The following QDPR variants were observed in gnomAD, a reference collection of about 807,000 sequenced individuals.
QDPR encodes dihydropteridine reductase.
In QDPR, 23 loss-of-function variants were observed where a neutral mutation model predicts 31.7. The ratio of observed to expected loss-of-function variants is 0.73; its 90% CI spans 0.52 to 1.03. The LOEUF (loss-of-function observed/expected upper bound fraction) is 1.03. Ranked by LOEUF, QDPR falls within the 50% of genes least tolerant of loss-of-function variation. QDPR has a pLI of 0.00. For missense variants in QDPR, 324 were observed against 323.8 expected (o/e 1.00, Z 0.00); for synonymous variants, 124 against 124.7 (o/e 0.99, Z 0.03).
intron 4 of QDPR, among the ~76,000 whole-genome samples, chr4:17,496,397 T>C (rs1718351902): frequency 7.8e-6 from 1 of 128,702 alleles, no homozygotes; most frequent in Admixed American, 1.0e-4. Flanking sequence ...TGAGCCAAGA[T>C]TGCGCCATTG....
At chr4:17,501,539 CA>C (rs1185517708) in intron 4 of QDPR, among the ~76,000 whole-genome samples, 179 bp downstream of exon 4, 12 of 152,096 alleles carry the variant, frequency 7.9e-5, no homozygotes, top group African/African-American at 2.9e-4. Flanking sequence ...GACAGGCAAA[CA>C]AAAGATCAGA....
chr4:17,494,719 ACT>A (rs2108988991), intron 4 of QDPR, among the ~76,000 whole-genome samples: 1 of 152,208 alleles, frequency 6.6e-6, no homozygotes, highest in South Asian at 2.1e-4. Context: ...GTCACTGGCA[ACT>A]CTTTTTCCTC....
intron 3 of QDPR, 125 bp from the exon 4 acceptor site, chr4:17,501,984 G>A (rs1718581840): frequency 1.7e-6 from 2 of 1,159,588 alleles, no homozygotes; most frequent in Non-Finnish European, 1.3e-6. Context: ...TCTACAGCAA[G>A]GTCTAACACA....
chr4:17,488,204 T>C (rs1718036525), intron 6 of QDPR, among the ~76,000 whole-genome samples: 1 of 151,600 alleles, frequency 6.6e-6, no homozygotes, highest in African/African-American at 2.4e-5. Context: ...AAGGCTAGGG[T>C]AAGCCATGAT....
intron 3 of QDPR, among the ~76,000 whole-genome samples, chr4:17,502,573 T>C (rs1718609719): frequency 1.3e-5 from 2 of 152,344 alleles, no homozygotes; most frequent in Non-Finnish European, 2.9e-5. Context: ...TCCACATTTA[T>C]CATTTCTTGC....
At chr4:17,508,587 C>T (rs1187708179) in intron 2 of QDPR, among the ~76,000 whole-genome samples, 1 of 148,490 alleles carries the variant, frequency 6.7e-6, no homozygotes, top group African/African-American at 2.5e-5. Flanking sequence ...GAATATCACA[C>T]ATCTACAAAG....
At chr4:17,501,307 C>G (rs1022243653) in intron 4 of QDPR, among the ~76,000 whole-genome samples, 4 of 152,172 alleles carry the variant, frequency 2.6e-5, no homozygotes, top group Non-Finnish European at 5.9e-5. Flanking sequence ...CACGTGTGAG[C>G]CACTGTGCTG....
At chr4:17,509,152 C>T (rs887802789) in intron 2 of QDPR, 119 bp downstream of exon 2, 6 of 819,560 alleles carry the variant, frequency 7.3e-6, no homozygotes, top group African/African-American at 1.7e-5. Flanking sequence ...AGCAAGACTC[C>T]GTCTCGGGGA....
chr4:17,504,382 T>G lies in QDPR; in HGVS notation c.292A>C (p.Lys98Gln). 1 of 1,613,348 alleles carries G rather than the reference T, an allele frequency of 6.2e-7. No homozygotes were observed. The highest frequency in any genetic ancestry group is 8.5e-7 in the Non-Finnish European group (1 of 1,179,274). ...GGWAGGNAKS[K>Q]SLFKNCDLMW... is the part of the protein sequence containing the mutation. ...AGTGACTCAGGAAAGGACTCACACTTGGATTTGGCATTGCCCCCGGCCCAT... is the reference window on the plus strand; with the variant it reads ...AGTGACTCAGGAAAGGACTCACACTGGGATTTGGCATTGCCCCCGGCCCAT... Residue 98 changes from lysine (K) to glutamine (Q), a missense_variant, in exon 3 of 7, where the codon AAG becomes CAG. By Grantham distance (53) the Lys-to-Gln change is moderately conservative. Coordinates refer to ENST00000281243, the MANE Select transcript of QDPR (RefSeq NM_000320.3).
rs933552554 is a variant in QDPR, at chr4:17,487,589, G to A, written c.630-353C>T. On this transcript the variant is annotated intron_variant, in intron 6 of 6. Coordinates refer to ENST00000281243, the MANE Select transcript of QDPR (RefSeq NM_000320.3). ...TGCACCCGGGAAGCAGAGGTAAGCC[G>A]AGGTTGCACCATTGCACTCCAGCCT... is the stretch of plus-strand genomic sequence containing the variant. Among the ~76,000 whole-genome samples, 5 of 152,014 alleles carry A rather than the reference G, an allele frequency of 3.3e-5. No homozygotes were observed. In the South Asian group the frequency reaches 8.3e-4, roughly 25 times the overall value.
At chr4:17,503,878 G>A (rs1718656901) in intron 3 of QDPR, among the ~76,000 whole-genome samples, 1 of 151,994 alleles carries the variant, frequency 6.6e-6, no homozygotes, top group Non-Finnish European at 1.5e-5. Context: ...TTGAACCTGG[G>A]AGGCAGAGGT....
At chr4:17,501,884 CA>C in intron 3 of QDPR, 25 bp from the exon 4 acceptor site, 1 of 1,613,740 alleles carries the variant, frequency 6.2e-7, no homozygotes, top group Non-Finnish European at 8.5e-7. Context: ...CATGTGGGCT[CA>C]GCATTCCCAG....
intron 2 of QDPR, among the ~76,000 whole-genome samples, chr4:17,507,729 G>A (rs898320827): frequency 2.0e-5 from 3 of 151,524 alleles, no homozygotes; most frequent in South Asian, 4.2e-4. Context: ...TCAGCCTCCC[G>A]AGTAGCTGGG....
intron 4 of QDPR, among the ~76,000 whole-genome samples, chr4:17,496,470 A>AAAAAAAAAGAAC (rs1718361645): frequency 7.1e-6 from 1 of 140,968 alleles, no homozygotes; most frequent in African/African-American, 2.6e-5. Flanking sequence ...AAAAAAAAAA[A>AAAAAAAAAGAAC]AAGAACAAAC....
In QDPR at chr4:17,511,952, A is replaced by C. The variant is rs1332856787; in HGVS notation, c.103T>G (p.Trp35Gly). The C allele has an allele frequency of 6.2e-7, 1 of 1,608,398 alleles. No individual in the cohort carries two copies. The highest frequency in any genetic ancestry group is 1.7e-5 in the Admixed American group (1 of 59,812). ...RCVQAFRARN[W>G]WVASVDVVEN... ...GCAGCCCCAGCCCGCAGCATTACCC[A>C]GTTGCGGGCCCGAAAAGCCTGCACG... The change falls in exon 1 of 7, where the codon TGG becomes GGG. Residue 35 changes from tryptophan to glycine, a missense_variant and splice_region_variant. Trp to Gly is a radical substitution (Grantham distance 184). Coordinates refer to ENST00000281243, the MANE Select transcript of QDPR (RefSeq NM_000320.3).
At chr4:17,505,559 G>C (rs1228047409) in intron 2 of QDPR, among the ~76,000 whole-genome samples, 1 of 152,090 alleles carries the variant, frequency 6.6e-6, no homozygotes, top group East Asian at 1.9e-4. Context: ...ATCTTCTTAA[G>C]ATTTAAATCA....
At chr4:17,490,972 G>A (rs577681557) in intron 5 of QDPR, among the ~76,000 whole-genome samples, 6 of 152,276 alleles carry the variant, frequency 3.9e-5, no homozygotes, top group South Asian at 4.1e-4. Context: ...AATAAGGTGC[G>A]CTGTGGCTCA....
intron 1 of QDPR, among the ~76,000 whole-genome samples, 170 bp from the exon 2 acceptor site, chr4:17,509,533 C>A (rs546223933): frequency 6.6e-6 from 1 of 152,218 alleles, no homozygotes; most frequent in East Asian, 1.9e-4. Flanking sequence ...TGAGACCAGC[C>A]TGGGCAACAT....
intron 3 of QDPR, among the ~76,000 whole-genome samples, chr4:17,503,995 G>C (rs1718662064): frequency 6.6e-6 from 1 of 151,790 alleles, no homozygotes. Context: ...GAAGGGAAGG[G>C]AAAAGAAAAG....
Sources: allele counts gnomAD v4.1 joint callset (sites outside exome capture counted in the v4.1 genomes callset), GRCh38; gene constraint gnomAD v4.1.1; transcripts MANE v1.5; gene names NCBI Gene and HGNC (gene_info 2026-07-23, HGNC 2026-07-21).